GDAP1: variants seen among roughly 807,000 people sequenced by gnomAD.
The protein encoded by GDAP1 is ganglioside induced differentiation associated protein 1.
In GDAP1, 34 loss-of-function variants were observed where a neutral mutation model predicts 40.1. The observed-to-expected ratio is 0.85, with a 90% CI of 0.64 to 1.13. The LOEUF is 1.13. GDAP1 is among the 50% of genes most tolerant of loss of function. GDAP1 has a pLI of 0.00. For synonymous variants in GDAP1, 170 were observed against 157.4 expected, an observed-to-expected ratio of 1.08 and a Z score of -0.60; for missense variants, 374 against 433.7, an observed-to-expected ratio of 0.86 and a Z score of 1.22.
At chr8:74,443,480 A>G (rs1161912536) in intron 2 of GDAP1, among the ~76,000 whole-genome samples, 3 of 152,192 alleles carry the variant, frequency 2.0e-5, no homozygotes, top group African/African-American at 7.2e-5. Flanking sequence ...TAGTTGGTCT[A>G]TAAAATCCAA....
chr8:74,437,030 GAC>G (rs1438008877), intron 2 of GDAP1, among the ~76,000 whole-genome samples: 3 of 152,180 alleles, frequency 2.0e-5, no homozygotes, highest in African/African-American at 7.2e-5. Context: ...TGGCTGGAAA[GAC>G]AGACTTATAG....
intron 2 of GDAP1, among the ~76,000 whole-genome samples, chr8:74,372,950 GT>G (rs941107492): frequency 1.1e-4 from 16 of 152,292 alleles, no homozygotes; most frequent in Admixed American, 1.3e-4. Context: ...TGTATAAGAT[GT>G]AAGGAAGGGA....
chr8:74,391,935 C>A (rs1024690957), intron 2 of GDAP1, among the ~76,000 whole-genome samples: 1 of 152,128 alleles, frequency 6.6e-6, no homozygotes, highest in Non-Finnish European at 1.5e-5. Flanking sequence ...TCTCCTGCCT[C>A]AGCCTCCCAA....
At chr8:74,372,654 T>G (rs1809774759) in intron 2 of GDAP1, among the ~76,000 whole-genome samples, 1 of 152,218 alleles carries the variant, frequency 6.6e-6, no homozygotes, top group Non-Finnish European at 1.5e-5. Context: ...TCTTTGTAGA[T>G]TCTGGATATT....
intron 2 of GDAP1, among the ~76,000 whole-genome samples, chr8:74,406,991 A>G (rs1805649165): frequency 1.3e-5 from 2 of 150,008 alleles, no homozygotes; most frequent in South Asian, 4.1e-4. Context: ...TAGAATCACC[A>G]GAATATAATT....
At position 74,412,454 on chromosome 8, in the gene GDAP1, C is replaced by T. The variant is rs113117583; in HGVS notation, c.165+61133C>T. On this transcript the variant is annotated intron_variant, in intron 2 of 2. Transcript: ENST00000523640. ...GACACAAATTCTCAGATTTAGGAAG[C>T]GCAGCAAGTGTCAATCAAAGAATAT... 1.8e-4 allele frequency among the ~76,000 whole-genome samples: 27 copies of T among 149,826 alleles called. 1 individual carries two copies. The highest frequency in any genetic ancestry group is 1.6e-3 in the Admixed American group (24 of 15,244).
chr8:74,464,196 G>A (rs1381683105), intron 2 of GDAP1, among the ~76,000 whole-genome samples: 1 of 152,138 alleles, frequency 6.6e-6, no homozygotes, highest in East Asian at 1.9e-4. Flanking sequence ...CCCAAAGTGT[G>A]GAATGATTAG....
intron 2 of GDAP1, among the ~76,000 whole-genome samples, chr8:74,355,945 A>G (rs1480537605): frequency 6.6e-6 from 1 of 152,096 alleles, no homozygotes; most frequent in Non-Finnish European, 1.5e-5. Flanking sequence ...GTTATTTATA[A>G]AATACATTTA....
At chr8:74,467,345 C>A (rs1435141796) in intron 2 of GDAP1, among the ~76,000 whole-genome samples, 1 of 152,200 alleles carries the variant, frequency 6.6e-6, no homozygotes, top group South Asian at 2.1e-4. Flanking sequence ...TAAATGGTTT[C>A]TGAGCCAGGT....
intron 2 of GDAP1, among the ~76,000 whole-genome samples, chr8:74,372,072 T>C (rs934024996): frequency 3.3e-5 from 5 of 152,306 alleles, no homozygotes; most frequent in Admixed American, 2.0e-4. Context: ...TCCAGCTTCA[T>C]CCATGTCCCT....
intron 2 of GDAP1, among the ~76,000 whole-genome samples, chr8:74,352,608 C>T (rs1488596876): frequency 6.6e-6 from 1 of 152,198 alleles, no homozygotes; most frequent in East Asian, 1.9e-4. Flanking sequence ...AAGTGCTAGT[C>T]CCCTAGGATT....
At chr8:74,470,379 A>G (rs1049632557) in intron 2 of GDAP1, among the ~76,000 whole-genome samples, 1 of 152,204 alleles carries the variant, frequency 6.6e-6, no homozygotes, top group South Asian at 2.1e-4. Flanking sequence ...CATTAGGTAT[A>G]TCTCCTAATG....
chr8:74,376,056 C>G (rs577794900), intron 2 of GDAP1, among the ~76,000 whole-genome samples: 4 of 152,050 alleles, frequency 2.6e-5, no homozygotes, highest in African/African-American at 9.6e-5. Context: ...AGAATTTAAC[C>G]GATGTATAAT....
At position 74,365,006 on chromosome 8, in the gene GDAP1, G is replaced by T. The variant is rs1487186408; in HGVS notation, c.*639G>T. Reference sequence around the variant, plus strand: ...GGTCCGCAATTTGAATTACCAAGTGGTAATGGTTCCTTACTGTTTTAGATG... The same window carrying T: ...GGTCCGCAATTTGAATTACCAAGTGTTAATGGTTCCTTACTGTTTTAGATG... On this transcript the variant is annotated 3_prime_UTR_variant, in exon 6 of 6. Transcript: ENST00000220822. 7 of 453,938 alleles carry T rather than the reference G, an allele frequency of 1.5e-5. No individual in the cohort carries two copies. The highest frequency in any genetic ancestry group is 2.2e-5 in the Non-Finnish European group (5 of 226,796). 28.1% of individuals were successfully genotyped at this position (453,938 alleles called of 1,614,324 possible). A position where few individuals can be genotyped will look rare whatever the true frequency, so the allele number is the denominator to read the frequency against.
At chr8:74,376,751 T>C (rs1166994311) in intron 2 of GDAP1, 1 of 152,258 alleles carries the variant, frequency 6.6e-6, no homozygotes, top group Non-Finnish European at 1.5e-5. Flanking sequence ...ATTTTTTTGT[T>C]TGTTTCTTCT....
At chr8:74,479,530 A>G (rs1355478224) in intron 2 of GDAP1, among the ~76,000 whole-genome samples, 1 of 152,250 alleles carries the variant, frequency 6.6e-6, no homozygotes, top group African/African-American at 2.4e-5. Flanking sequence ...AAAAGATTAA[A>G]TGAAATCTGT....
chr8:74,361,874 T>C lies in GDAP1; in HGVS notation c.485-10T>C, dbSNP rs1809380305. Reference sequence around the variant, plus strand: ...ATAATTTTCTGTTTCCAAAATGTTTTTATTATCAGGCCAAATTGGAAACAC... The same window carrying C: ...ATAATTTTCTGTTTCCAAAATGTTTCTATTATCAGGCCAAATTGGAAACAC... On this transcript the variant is annotated splice_polypyrimidine_tract_variant and intron_variant, in intron 3 of 5. Coordinates refer to ENST00000220822, the MANE Select transcript of GDAP1 (RefSeq NM_018972.4). The C allele has an allele frequency of 6.6e-7, 1 of 1,516,662 alleles. No individual in the cohort carries two copies. 94.0% of individuals were successfully genotyped at this position (1,516,662 alleles called of 1,614,324 possible). A position where few individuals can be genotyped will look rare whatever the true frequency, so the allele number is the denominator to read the frequency against.
At chr8:74,463,195 T>G (rs562851283) in intron 2 of GDAP1, among the ~76,000 whole-genome samples, 1 of 143,086 alleles carries the variant, frequency 7.0e-6, no homozygotes, top group Non-Finnish European at 1.5e-5. Flanking sequence ...CTTATGCCTA[T>G]AATCCCAGCA....
intron 2 of GDAP1, among the ~76,000 whole-genome samples, chr8:74,438,987 T>C (rs1372014866): frequency 6.6e-6 from 1 of 152,140 alleles, no homozygotes; most frequent in Non-Finnish European, 1.5e-5. Flanking sequence ...GTGGCTTGTT[T>C]TTGCCTTTTG....
Sources: gnomAD v4.1 joint callset for allele counts (sites outside exome capture counted in the v4.1 genomes callset) on GRCh38, gnomAD v4.1.1 for gene constraint, MANE v1.5 for transcripts, NCBI Gene and HGNC (gene_info 2026-07-23, HGNC 2026-07-21) for gene names.